The following RTF1 variants were observed in gnomAD, a reference collection of about 807,000 sequenced individuals.
RTF1 encodes the protein RTF1 homolog, Paf1/RNA polymerase II complex component.
In RTF1, 10 loss-of-function variants were observed where a neutral mutation model predicts 95.7. The ratio of observed to expected loss-of-function variants is 0.10; its 90% CI spans 0.06 to 0.18. RTF1 has a LOEUF of 0.18. RTF1 is among the 10% of genes least tolerant of loss of function. The pLI is 1.00. For synonymous variants in RTF1, 305 were observed against 311.8 expected (o/e 0.98, Z 0.23); for missense variants, 458 against 875.6 (o/e 0.52, Z 6.02).
intron 1 of RTF1, among the ~76,000 whole-genome samples, chr15:41,423,985 T>G (rs1317460567): frequency 6.6e-6 from 1 of 152,174 alleles, no homozygotes. Context: ...ACTCCTGACC[T>G]CAAGTGATCC....
At chr15:41,452,733 C>CA (rs904266307) in intron 2 of RTF1, among the ~76,000 whole-genome samples, 168 bp from the exon 3 acceptor site, 7 of 148,266 alleles carry the variant, frequency 4.7e-5, no homozygotes, top group Admixed American at 2.0e-4. Context: ...GACCCTGTTT[C>CA]AAAAAAAAAA....
At position 41,417,263 on chromosome 15, in the gene RTF1, G is replaced by A; in HGVS notation, c.148G>A (p.Val50Met). The A allele has an allele frequency of 8.0e-7, 1 of 1,252,564 alleles. No homozygotes were observed. Among genetic ancestry groups the A allele is most frequent in the Non-Finnish European group, 1.0e-6 (1 of 990,678 alleles). The allele number at this position is 1,252,564 out of a possible 1,614,324, so 77.6% of individuals were successfully genotyped here. ...GGTAAAGAAGCGGAAAGGCCGCGTC[G>A]TGATCGACTCGGACACAGAGGACAG... Reference protein sequence around the residue: ...TMVKKRKGRVVIDSDTEDSGS... With the variant: ...TMVKKRKGRVMIDSDTEDSGS... Residue 50 changes from valine to methionine, a missense_variant, in exon 1 of 18, where the codon GTG becomes ATG. Transcript: ENST00000389629.
At chr15:41,454,409 T>A (rs769873077) in intron 3 of RTF1, among the ~76,000 whole-genome samples, 7 of 152,108 alleles carry the variant, frequency 4.6e-5, no homozygotes, top group Admixed American at 6.6e-5. Context: ...ATTTTTTTTT[T>A]AATGCCAGCT....
chr15:41,442,409 C>T (rs540043099), intron 2 of RTF1, among the ~76,000 whole-genome samples: 3 of 151,858 alleles, frequency 2.0e-5, no homozygotes, highest in African/African-American at 7.2e-5. Flanking sequence ...CCTCATGATC[C>T]GCCGGCCTCA....
chr15:41,447,201 C>A (rs886628428), intron 2 of RTF1, among the ~76,000 whole-genome samples: 1 of 152,124 alleles, frequency 6.6e-6, no homozygotes, highest in Admixed American at 6.6e-5. Flanking sequence ...TATGCTGGGT[C>A]CTGAGACCTA....
At chr15:41,443,171 T>C (rs986027605) in intron 2 of RTF1, among the ~76,000 whole-genome samples, 2 of 152,102 alleles carry the variant, frequency 1.3e-5, no homozygotes, top group African/African-American at 4.8e-5. Context: ...AGCTAATTGA[T>C]GAGGGAGAGG....
intron 3 of RTF1, 138 bp from the exon 4 acceptor site, chr15:41,457,534 A>AT (rs2050825472): frequency 1.2e-6 from 1 of 829,644 alleles, no homozygotes; most frequent in Non-Finnish European, 1.9e-6. Context: ...TCAAAAAAAA[A>AT]GTAAAAACAA....
chr15:41,441,853 G>A (rs1250503741), intron 2 of RTF1, among the ~76,000 whole-genome samples: 1 of 152,146 alleles, frequency 6.6e-6, no homozygotes, highest in Non-Finnish European at 1.5e-5. Context: ...TCTCTCACGA[G>A]AGCAGCAGCG....
chr15:41,464,060 C>T (rs2050867174), intron 4 of RTF1, among the ~76,000 whole-genome samples: 1 of 150,746 alleles, frequency 6.6e-6, no homozygotes, highest in African/African-American at 2.4e-5. Context: ...CCATTTTGGC[C>T]AGGATGGTCT....
At chr15:41,419,400 C>G (rs2050589196) in intron 1 of RTF1, among the ~76,000 whole-genome samples, 1 of 152,142 alleles carries the variant, frequency 6.6e-6, no homozygotes, top group African/African-American at 2.4e-5. Flanking sequence ...TTAAATAACT[C>G]ACAACTAGTA....
intron 2 of RTF1, among the ~76,000 whole-genome samples, chr15:41,439,786 G>A (rs530059879): frequency 1.3e-5 from 2 of 152,184 alleles, no homozygotes; most frequent in African/African-American, 4.8e-5. Context: ...CAAGTAGCTG[G>A]AACTACAAGC....
At chr15:41,464,011 C>A (rs952126991) in intron 4 of RTF1, among the ~76,000 whole-genome samples, 2 of 151,796 alleles carry the variant, frequency 1.3e-5, no homozygotes, top group Admixed American at 1.3e-4. Flanking sequence ...GCCACCATGC[C>A]CAGCTAATTT....
chr15:41,470,116 A>G, intron 6 of RTF1, 141 bp from the exon 7 acceptor site: 1 of 823,834 alleles, frequency 1.2e-6, no homozygotes, highest in South Asian at 1.9e-5. Context: ...TCATTTCTGT[A>G]TATACCCCAA....
chr15:41,461,232 G>A (rs1026071209), intron 4 of RTF1, among the ~76,000 whole-genome samples: 4 of 151,514 alleles, frequency 2.6e-5, no homozygotes, highest in African/African-American at 7.3e-5. Flanking sequence ...TAGCAGGGAC[G>A]GGGTTTCACC....
intron 6 of RTF1, among the ~76,000 whole-genome samples, chr15:41,468,023 GGCGTGGTA>G (rs1195342534): frequency 6.6e-6 from 1 of 152,004 alleles, no homozygotes; most frequent in Non-Finnish European, 1.5e-5. Context: ...AAATTAGTCA[GGCGTGGTA>G]GCACATGCCT....
At chr15:41,476,551 C>G in intron 12 of RTF1, 28 bp downstream of exon 12, 2 of 1,582,444 alleles carry the variant, frequency 1.3e-6, no homozygotes, top group Non-Finnish European at 1.7e-6. Flanking sequence ...AGCCTCTTTC[C>G]TCATCCTGTA....
chr15:41,438,942 C>G (rs545596066), intron 2 of RTF1, among the ~76,000 whole-genome samples: 3 of 148,182 alleles, frequency 2.0e-5, no homozygotes, highest in Non-Finnish European at 4.4e-5. Flanking sequence ...GGTCCCTCTG[C>G]AGGACATGCG....
intron 4 of RTF1, among the ~76,000 whole-genome samples, chr15:41,461,494 T>C (rs1296783500): frequency 1.3e-5 from 2 of 149,410 alleles, no homozygotes; most frequent in Non-Finnish European, 3.0e-5. Context: ...CTAATTTTTC[T>C]TTCTTTTTTT....
At chr15:41,430,750 A>T (rs1338865274) in intron 1 of RTF1, among the ~76,000 whole-genome samples, 1 of 152,008 alleles carries the variant, frequency 6.6e-6, no homozygotes, top group African/African-American at 2.4e-5. Flanking sequence ...CCAAAAACAA[A>T]CAAAAAGAAT....
Sources: gnomAD v4.1 joint callset for allele counts (sites outside exome capture counted in the v4.1 genomes callset) on GRCh38, gnomAD v4.1.1 for gene constraint, MANE v1.5 for transcripts, NCBI Gene and HGNC (gene_info 2026-07-23, HGNC 2026-07-21) for gene names.